The following CSMD2 variants were observed in gnomAD, a reference collection of about 807,000 sequenced individuals.
The protein encoded by CSMD2 is CUB and sushi domain-containing protein 2.
In CSMD2, 130 loss-of-function variants were observed where a neutral mutation model predicts 398.5. The ratio of observed to expected loss-of-function variants is 0.33; its 90% confidence interval spans 0.28 to 0.38. The LOEUF (loss-of-function observed/expected upper bound fraction) is 0.38. Ranked by LOEUF, CSMD2 falls within the 10% of genes least tolerant of loss-of-function variation. The pLI is 1.00. For synonymous variants in CSMD2, 1,828 were observed against 1,908.5 expected (o/e 0.96, Z 1.10); for missense variants, 3,829 against 4,764.9 (o/e 0.80, Z 5.78).
chr1:33,848,195 C>T (rs1470892202), intron 5 of CSMD2, among the ~76,000 whole-genome samples: 1 of 152,220 alleles, frequency 6.6e-6, no homozygotes, highest in Non-Finnish European at 1.5e-5. Context: ...CCGGGAGGGG[C>T]AGTATCCTGG....
At chr1:33,791,497 C>A (rs548901489) in intron 11 of CSMD2, among the ~76,000 whole-genome samples, 20 of 151,296 alleles carry the variant, frequency 1.3e-4, no homozygotes, top group African/African-American at 3.9e-4. Context: ...CTTTTTTTTT[C>A]TTTTTTTAGA....
At chr1:33,681,953 G>A (rs1399557354) in intron 25 of CSMD2, among the ~76,000 whole-genome samples, 2 of 152,164 alleles carry the variant, frequency 1.3e-5, no homozygotes, top group Non-Finnish European at 2.9e-5. Context: ...GCAACAGAGC[G>A]AGACTCCAAA....
intron 3 of CSMD2, among the ~76,000 whole-genome samples, chr1:34,020,319 T>C (rs748940924): frequency 2.6e-5 from 4 of 152,180 alleles, no homozygotes; most frequent in African/African-American, 4.8e-5. Context: ...AAGTAATTCA[T>C]TACCAAGCCC....
At chr1:33,926,479 G>A (rs1012388769) in intron 4 of CSMD2, among the ~76,000 whole-genome samples, 1 of 152,112 alleles carries the variant, frequency 6.6e-6, no homozygotes, top group African/African-American at 2.4e-5. Flanking sequence ...CTCTGAAGGC[G>A]GCACCTTTAC....
intron 12 of CSMD2, among the ~76,000 whole-genome samples, chr1:33,777,337 G>T (rs1215885773): frequency 6.6e-6 from 1 of 152,190 alleles, no homozygotes; most frequent in African/African-American, 2.4e-5. Context: ...GAGTTTGGGA[G>T]CTCCTTCCAG....
intron 25 of CSMD2, among the ~76,000 whole-genome samples, chr1:33,691,541 T>C (rs1645241139): frequency 6.6e-6 from 1 of 152,202 alleles, no homozygotes; most frequent in Non-Finnish European, 1.5e-5. Flanking sequence ...AAAACACCCA[T>C]TCAGCCAGTT....
At chr1:33,545,271 A>AT (rs1656769840) in intron 57 of CSMD2, among the ~76,000 whole-genome samples, 1 of 152,220 alleles carries the variant, frequency 6.6e-6, no homozygotes, top group African/African-American at 2.4e-5. Flanking sequence ...GGAGAGAGAG[A>AT]TTTAAAAATA....
intron 48 of CSMD2, among the ~76,000 whole-genome samples, chr1:33,578,036 A>G (rs944533382): frequency 6.6e-6 from 1 of 152,104 alleles, no homozygotes; most frequent in African/African-American, 2.4e-5. Context: ...TTGCGTACAT[A>G]AAGCCCCCAG....
chr1:33,810,423 A>G (rs1656727388), intron 10 of CSMD2, among the ~76,000 whole-genome samples: 1 of 152,198 alleles, frequency 6.6e-6, no homozygotes, highest in African/African-American at 2.4e-5. Context: ...TAAACACACA[A>G]TTGAGGTAAT....
chr1:33,990,685 G>A (rs1646521877), intron 3 of CSMD2, among the ~76,000 whole-genome samples: 1 of 152,160 alleles, frequency 6.6e-6, no homozygotes, highest in South Asian at 2.1e-4. Flanking sequence ...CTTCAGCTCT[G>A]CCAAGTCACT....
At chr1:33,724,758 A>G in intron 17 of CSMD2, 54 bp from the exon 18 acceptor site, 1 of 1,506,412 alleles carries the variant, frequency 6.6e-7, no homozygotes, top group African/African-American at 1.4e-5. Context: ...CTACAGAGGG[A>G]CCCCAGTTGA....
chr1:33,721,209 T>A (rs1033481719), intron 19 of CSMD2, among the ~76,000 whole-genome samples: 9 of 152,102 alleles, frequency 5.9e-5, no homozygotes, highest in Admixed American at 4.6e-4. Flanking sequence ...GGGCTTGGGA[T>A]GTTTTCACAT....
At chr1:33,762,336 C>T (rs1649929673) in intron 13 of CSMD2, among the ~76,000 whole-genome samples, 1 of 152,228 alleles carries the variant, frequency 6.6e-6, no homozygotes, top group African/African-American at 2.4e-5. Context: ...TGCATACACA[C>T]AACTTTGGAT....
At chr1:33,841,041 G>A (rs1175954638) in intron 6 of CSMD2, among the ~76,000 whole-genome samples, 1 of 152,158 alleles carries the variant, frequency 6.6e-6, no homozygotes, top group Non-Finnish European at 1.5e-5. Flanking sequence ...GTTTTCAAAT[G>A]AATAAGTTTA....
chr1:33,936,047 C>G, intron 3 of CSMD2, 93 bp from the exon 4 acceptor site: 1 of 1,058,072 alleles, frequency 9.5e-7, no homozygotes, highest in Non-Finnish European at 1.4e-6. Flanking sequence ...CTAGGCCACT[C>G]GGGCTTCCTG....
chr1:33,652,974 G>T (rs997359766), intron 27 of CSMD2, among the ~76,000 whole-genome samples: 1 of 152,086 alleles, frequency 6.6e-6, no homozygotes, highest in African/African-American at 2.4e-5. Flanking sequence ...AGCCAGGATG[G>T]TCTTGATCTC....
intron 10 of CSMD2, among the ~76,000 whole-genome samples, chr1:33,810,108 A>C (rs1043774167): frequency 2.6e-5 from 4 of 152,314 alleles, no homozygotes; most frequent in Non-Finnish European, 4.4e-5. Flanking sequence ...GTTTTGATAA[A>C]ATTAAAATAA....
chr1:34,076,924 AAAAAATAT>A (rs1471774056), intron 2 of CSMD2, among the ~76,000 whole-genome samples: 45 of 105,110 alleles, frequency 4.3e-4, no homozygotes, highest in African/African-American at 1.8e-3. Context: ...AAAAAAAAAA[AAAAAATAT>A]ATATATATAT....
chr1:33,980,977 G>A (rs1646144666), intron 3 of CSMD2, among the ~76,000 whole-genome samples: 1 of 152,162 alleles, frequency 6.6e-6, no homozygotes, highest in Non-Finnish European at 1.5e-5. Flanking sequence ...ACATGGTGGA[G>A]CATGGGAGGG....
Sources: gnomAD v4.1 joint callset for allele counts (sites outside exome capture counted in the v4.1 genomes callset) on GRCh38, gnomAD v4.1.1 for gene constraint, MANE v1.5 for transcripts, NCBI Gene and HGNC (gene_info 2026-07-23, HGNC 2026-07-21) for gene names.